The following ZNF30 variants were observed in gnomAD, a reference collection of about 807,000 sequenced individuals.
The protein encoded by ZNF30 is zinc finger protein 30.
In ZNF30, 15 loss-of-function variants were observed where a neutral mutation model predicts 13.2. That is an observed-to-expected ratio of 1.13 (90% CI 0.76 to 1.75). The LOEUF is 1.75. Among genes scored for constraint, ZNF30 ranks in the 40% most tolerant of loss-of-function variants. The pLI is 0.00. For synonymous variants in ZNF30, 223 were observed against 256.6 expected (o/e 0.87, Z 1.25); for missense variants, 726 against 757.0 (o/e 0.96, Z 0.48).
Position 34,944,163 on chromosome 19 carries a change from C to T in ZNF30, c.1197C>T (p.Pro399=), listed in dbSNP as rs752915942. The T allele has an allele frequency of 2.5e-6, 4 of 1,613,192 alleles. No homozygotes were observed. Among genetic ancestry groups the T allele is most frequent in the Non-Finnish European group, 2.5e-6 (3 of 1,179,264 alleles). The change falls in exon 5 of 5, where the codon CCC becomes CCT. Residue 399 remains proline (P), a synonymous_variant. Coordinates refer to ENST00000601142, the MANE Select transcript of ZNF30 (RefSeq NM_194325.3). ...QHGRLHTGEK[P]YECKECGKAF... is the part of the protein sequence containing the mutation. ...GAAGACTTCACACTGGCGAGAAGCCCTATGAATGTAAGGAGTGTGGCAAGG... is the reference window on the plus strand; with the variant it reads ...GAAGACTTCACACTGGCGAGAAGCCTTATGAATGTAAGGAGTGTGGCAAGG...
intron 4 of ZNF30, among the ~76,000 whole-genome samples, chr19:34,934,159 G>A (rs1421951396): frequency 6.6e-6 from 1 of 151,980 alleles, no homozygotes; most frequent in East Asian, 1.9e-4. Context: ...CTTTGGGTGG[G>A]AATGAGTTTT....
rs767560899 is a variant in ZNF30 at position 34,944,148 on chromosome 19, C to T, written c.1182C>T (p.His394=). Residue 394 remains histidine (H), a synonymous_variant, in exon 5 of 5, where the codon CAC becomes CAT. Coordinates refer to ENST00000601142, the MANE Select transcript of ZNF30 (RefSeq NM_194325.3). ...ASYLVQHGRL[H]TGEKPYECKE... Reference sequence around the variant, plus strand: ...ATCTTGTTCAACATGGAAGACTTCACACTGGCGAGAAGCCCTATGAATGTA... The same window carrying T: ...ATCTTGTTCAACATGGAAGACTTCATACTGGCGAGAAGCCCTATGAATGTA... 1.2e-6 allele frequency: 2 copies of T among 1,613,452 alleles called. No homozygotes were observed. The highest frequency in any genetic ancestry group is 1.7e-5 in the Admixed American group (1 of 59,954).
chr19:34,929,044 A>T (rs2012290289), intron 1 of ZNF30, among the ~76,000 whole-genome samples: 1 of 152,156 alleles, frequency 6.6e-6, no homozygotes, highest in African/African-American at 2.4e-5. Context: ...GCACTTTGGG[A>T]GGCTGAGGCG....
Position 34,944,633 on chromosome 19 carries a change from T to A in ZNF30, c.1667T>A (p.Ile556Asn). 6.2e-7 allele frequency: 1 copy of A among 1,614,072 alleles called. No individual in the cohort carries two copies. The highest frequency in any genetic ancestry group is 1.1e-5 in the South Asian group (1 of 91,074). The change falls in exon 5 of 5, where the codon ATT becomes AAT. Residue 556 changes from isoleucine (I) to asparagine (N), a missense_variant. Coordinates refer to ENST00000601142, the MANE Select transcript of ZNF30 (RefSeq NM_194325.3). ...GKAFTVYGQL[I>N]GHQSVHTGEK... is the part of the protein sequence containing the mutation. ...GCCTTTACTGTTTATGGACAACTTA[T>A]TGGACATCAGAGTGTTCACACTGGT...
At chr19:34,926,732 G>A (rs115948113), upstream of ZNF30, 1,282 of 392,280 alleles carry the variant, frequency 3.3e-3, 18 homozygotes, top group African/African-American at 0.024. Context: ...TTCTGACCTG[G>A]TGTGTTAATG....
At chr19:34,933,775 G>A in intron 4 of ZNF30, 52 bp downstream of exon 4, 1 of 1,266,058 alleles carries the variant, frequency 7.9e-7, no homozygotes, top group Middle Eastern at 1.9e-4. Context: ...AAACAGCCCA[G>A]CTGTCAGGGA....
intron 3 of ZNF30, among the ~76,000 whole-genome samples, chr19:34,932,295 T>A (rs900658939): frequency 6.6e-6 from 1 of 152,220 alleles, no homozygotes; most frequent in Non-Finnish European, 1.5e-5. Flanking sequence ...CTTGATTTGT[T>A]CTATCTGAAG....
chr19:34,932,028 C>T (rs902488376), intron 3 of ZNF30, 35 bp downstream of exon 3: 5 of 1,540,354 alleles, frequency 3.2e-6, no homozygotes, highest in Non-Finnish European at 3.5e-6. Flanking sequence ...TGAGAATCTG[C>T]TCCCTGTTAT....
rs1319952066 is a variant in ZNF30, at chr19:34,935,243, A to ATT, written c.256+1524_256+1525dup. Among the ~76,000 whole-genome samples the ATT allele has an allele frequency of 4.6e-4, 65 of 142,086 alleles. 1 individual carries two copies. In the South Asian group the frequency reaches 9.1e-3, roughly 20 times the overall value. The allele number at this position is 142,086 out of a possible 152,430, so 93.2% of individuals were successfully genotyped here. On this transcript the variant is annotated intron_variant, in intron 4 of 4. Coordinates refer to ENST00000601142, the MANE Select transcript of ZNF30 (RefSeq NM_194325.3). ...GAGACTCCGTCTAAAAAAAAAAAAAATTTTTAAAAACAATTTTTATAAAAT... is the reference window on the plus strand; with the variant it reads ...GAGACTCCGTCTAAAAAAAAAAAAAATTTTTTTAAAAACAATTTTTATAAAAT...
chr19:34,935,614 A>T (rs969260155), intron 4 of ZNF30, among the ~76,000 whole-genome samples: 3 of 150,874 alleles, frequency 2.0e-5, no homozygotes, highest in Admixed American at 6.6e-5. Context: ...CACAAGTCTT[A>T]GCTGTAGTAT....
chr19:34,943,983 TG>T lies in ZNF30; in HGVS notation c.1019del (p.Gly340ValfsTer30). On this transcript the variant is annotated frameshift_variant, in exon 5 of 5. Transcript: ENST00000601142. LOFTEE classifies it low-confidence loss of function (END_TRUNC). ...TTACTCGACATCAGAGTATTCATAC[TG>T]GTGAGAAACCTTTTGAATGTAAGGA... ...QLTRHQSIHT[G>X]EKPFECKECG... The T allele has an allele frequency of 1.2e-6, 2 of 1,614,174 alleles. No homozygotes were observed. The highest frequency in any genetic ancestry group is 1.7e-6 in the Non-Finnish European group (2 of 1,180,040).
chr19:34,938,630 G>A (rs537902354), intron 4 of ZNF30, among the ~76,000 whole-genome samples: 1 of 152,234 alleles, frequency 6.6e-6, no homozygotes, highest in African/African-American at 2.4e-5. Context: ...AAGGTACTAA[G>A]AATTAAGGAT....
At chr19:34,934,389 G>C (rs1231953848) in intron 4 of ZNF30, among the ~76,000 whole-genome samples, 4 of 152,012 alleles carry the variant, frequency 2.6e-5, no homozygotes, top group Admixed American at 1.3e-4. Flanking sequence ...TCAGCCTCCT[G>C]AGTAGCTGGG....
chr19:34,943,905 G>A lies in ZNF30; in HGVS notation c.939G>A (p.Glu313=). 1 of 1,614,042 alleles carries A rather than the reference G, an allele frequency of 6.2e-7. No homozygotes were observed. Among genetic ancestry groups the A allele is most frequent in the Non-Finnish European group, 8.5e-7 (1 of 1,179,968 alleles). ...LAKHQRIHTG[E]KPYECKECGK... is the part of the protein sequence containing the mutation. ...AGCATCAGAGAATTCATACTGGCGA[G>A]AAACCCTATGAATGTAAGGAGTGTG... is the stretch of plus-strand genomic sequence containing the variant. Residue 313 remains glutamate (E), a synonymous_variant, in exon 5 of 5, where the codon GAG becomes GAA. Transcript: ENST00000601142.
chr19:34,939,102 C>T (rs978110677), intron 4 of ZNF30, among the ~76,000 whole-genome samples: 2 of 150,050 alleles, frequency 1.3e-5, no homozygotes, highest in African/African-American at 5.0e-5. Context: ...CCACATGCAA[C>T]TTACCTATCA....
intron 4 of ZNF30, among the ~76,000 whole-genome samples, chr19:34,941,587 A>C (rs1477223170): frequency 6.6e-6 from 1 of 152,230 alleles, no homozygotes; most frequent in Non-Finnish European, 1.5e-5. Flanking sequence ...ACACAAACTC[A>C]GGTCCAGTTT....
At chr19:34,931,644 T>C (rs926908328) in intron 2 of ZNF30, among the ~76,000 whole-genome samples, 199 bp from the exon 3 acceptor site, 1 of 152,220 alleles carries the variant, frequency 6.6e-6, no homozygotes, top group Non-Finnish European at 1.5e-5. Flanking sequence ...ATCTGGAGTA[T>C]TATGATAATC....
rs376651478 is a variant in ZNF30, at chr19:34,944,745, G to A, written c.1779G>A (p.Glu593=). The change falls in exon 5 of 5, where the codon GAG becomes GAA. Residue 593 remains glutamate (E), a synonymous_variant. Coordinates refer to ENST00000601142, the MANE Select transcript of ZNF30 (RefSeq NM_194325.3). The stretch of plus-strand genomic sequence containing the variant: ...AACATCAGCGGGTACACACTGGTGA[G>A]AAACCCTTTAAATGCAAAAAATGTG... ...LTEHQRVHTG[E]KPFKCKKCGK... The A allele has an allele frequency of 6.1e-5, 99 of 1,613,904 alleles. No homozygotes were observed. The African/African-American group carries it at 1.1e-3, about 17-fold the overall frequency.
chr19:34,933,219 G>A lies in ZNF30; in HGVS notation c.161-409G>A, dbSNP rs367910357. ...GCCTGTAATCCCAGCACTTTGGGAG[G>A]CCAAGGTGGGCGGATCACGAGGTCA... On this transcript the variant is annotated intron_variant, in intron 3 of 4. Transcript: ENST00000601142. 2.6e-5 allele frequency among the ~76,000 whole-genome samples: 4 copies of A among 152,114 alleles called. No individual in the cohort carries two copies. The East Asian group carries it at 5.8e-4, about 22-fold the overall frequency.
Sources: gnomAD v4.1 joint callset for allele counts (sites outside exome capture counted in the v4.1 genomes callset) on GRCh38, gnomAD v4.1.1 for gene constraint, MANE v1.5 for transcripts, NCBI Gene and HGNC (gene_info 2026-07-23, HGNC 2026-07-21) for gene names.